The following RBFOX1 variants were observed in gnomAD, a reference collection of about 807,000 sequenced individuals.
The protein encoded by RBFOX1 is RNA binding fox-1 homolog 1, also known as RNA binding protein fox-1 homolog 1.
Under a neutral mutation model 57.7 loss-of-function variants are expected in RBFOX1, and 8 were observed. The ratio of observed to expected loss-of-function variants is 0.14; its 90% CI spans 0.08 to 0.25. The LOEUF (loss-of-function observed/expected upper bound fraction) is 0.25. Ranked by LOEUF, RBFOX1 falls within the 10% of genes least tolerant of loss-of-function variation. The pLI is 1.00. For synonymous variants in RBFOX1, 326 were observed against 222.4 expected, an observed-to-expected ratio of 1.47 and a Z score of -4.15; for missense variants, 611 against 548.5, an observed-to-expected ratio of 1.11 and a Z score of -1.14.
At chr16:7,285,667 C>T (rs1219127850) in intron 4 of RBFOX1, among the ~76,000 whole-genome samples, 1 of 152,000 alleles carries the variant, frequency 6.6e-6, no homozygotes, top group Non-Finnish European at 1.5e-5. Context: ...TTTTGATCAA[C>T]GTAATTCCCT....
Position 7,477,393 on chromosome 16 carries a change from G to T in RBFOX1, c.28-40754G>T, listed in dbSNP as rs1213112925. ...CTCCAGTTTGGGTCTATGAAAAGAGGGTTTACCCGTGGGGGGTCGGGGGGT... is the reference window on the plus strand; with the variant it reads ...CTCCAGTTTGGGTCTATGAAAAGAGTGTTTACCCGTGGGGGGTCGGGGGGT... On this transcript the variant is annotated intron_variant, in intron 4 of 15. Transcript: ENST00000550418. Among the ~76,000 whole-genome samples, 6 of 152,198 alleles carry T rather than the reference G, an allele frequency of 3.9e-5. No homozygotes were observed. In the Middle Eastern group the frequency reaches 0.017, roughly 431 times the overall value.
chr16:5,686,763 A>AT (rs570990534), intron 3 of RBFOX1, among the ~76,000 whole-genome samples: 16 of 152,200 alleles, frequency 1.1e-4, no homozygotes, highest in South Asian at 4.2e-4. Flanking sequence ...AAATGAAAGT[A>AT]TTTTTTCCAG....
At chr16:6,073,887 G>T (rs2095864854) in intron 1 of RBFOX1, among the ~76,000 whole-genome samples, 1 of 152,128 alleles carries the variant, frequency 6.6e-6, no homozygotes, top group South Asian at 2.1e-4. Flanking sequence ...GCCTGGAGGT[G>T]TTACACTATG....
intron 2 of RBFOX1, among the ~76,000 whole-genome samples, chr16:6,615,707 C>G (rs761140165): frequency 1.3e-5 from 2 of 152,148 alleles, no homozygotes; most frequent in African/African-American, 4.8e-5. Flanking sequence ...AACATCAATG[C>G]AAACACTTGT....
intron 2 of RBFOX1, among the ~76,000 whole-genome samples, chr16:5,576,460 A>G (rs559949956): frequency 6.6e-6 from 1 of 152,224 alleles, no homozygotes; most frequent in African/African-American, 2.4e-5. Flanking sequence ...CACCAACCTA[A>G]GAGTGGAAGT....
At chr16:7,640,799 G>C (rs549658821) in intron 11 of RBFOX1, among the ~76,000 whole-genome samples, 1 of 151,818 alleles carries the variant, frequency 6.6e-6, no homozygotes, top group Non-Finnish European at 1.5e-5. Flanking sequence ...CCTCATCAGA[G>C]TCAAGAGAAA....
chr16:7,344,840 C>A (rs2096964367), intron 4 of RBFOX1, among the ~76,000 whole-genome samples: 1 of 152,228 alleles, frequency 6.6e-6, no homozygotes. Flanking sequence ...GTCGTCTCCC[C>A]ATCCTCCATG....
chr16:6,433,686 G>C (rs371904656), intron 2 of RBFOX1, among the ~76,000 whole-genome samples: 5 of 152,132 alleles, frequency 3.3e-5, no homozygotes, highest in East Asian at 3.9e-4. Flanking sequence ...TCTTCCGGAG[G>C]CTCCAGGGAA....
intron 4 of RBFOX1, among the ~76,000 whole-genome samples, chr16:7,292,117 A>G (rs1255297211): frequency 1.3e-5 from 1 of 76,688 alleles, no homozygotes; most frequent in African/African-American, 4.9e-5. Context: ...ATTATGTATA[A>G]TATATAATAT....
intron 4 of RBFOX1, among the ~76,000 whole-genome samples, chr16:5,911,672 T>C (rs1459069746): frequency 6.6e-6 from 1 of 152,188 alleles, no homozygotes; most frequent in Non-Finnish European, 1.5e-5. Flanking sequence ...AGCAGAGATT[T>C]ATTTTTCACA....
intron 3 of RBFOX1, among the ~76,000 whole-genome samples, chr16:7,035,434 A>G (rs571275360): frequency 1.3e-5 from 2 of 152,324 alleles, no homozygotes; most frequent in East Asian, 1.9e-4. Context: ...ACTGCACACA[A>G]AAAGAATATT....
intron 3 of RBFOX1, among the ~76,000 whole-genome samples, chr16:6,959,090 C>G (rs959349534): frequency 6.6e-6 from 1 of 152,094 alleles, no homozygotes; most frequent in African/African-American, 2.4e-5. Context: ...TAAAGATAGG[C>G]ATTTTCTTTT....
At chr16:6,406,002 G>A (rs543498454) in intron 2 of RBFOX1, among the ~76,000 whole-genome samples, 31 of 152,284 alleles carry the variant, frequency 2.0e-4, no homozygotes, top group Middle Eastern at 3.4e-3. Context: ...AGGTGAGAAC[G>A]CAGAGGAATT....
intron 1 of RBFOX1, among the ~76,000 whole-genome samples, chr16:5,436,671 C>T (rs1326970723): frequency 2.0e-5 from 3 of 152,090 alleles, no homozygotes; most frequent in South Asian, 2.1e-4. Context: ...AACCCCATCT[C>T]TACTCAAAAT....
chr16:5,933,512 G>A (rs1032646460), intron 4 of RBFOX1, among the ~76,000 whole-genome samples: 1 of 152,176 alleles, frequency 6.6e-6, no homozygotes, highest in Non-Finnish European at 1.5e-5. Context: ...TTCCTGATGT[G>A]AAAAACGGAT....
chr16:6,809,638 C>T (rs1202286591), intron 3 of RBFOX1, among the ~76,000 whole-genome samples: 2 of 152,234 alleles, frequency 1.3e-5, no homozygotes, highest in East Asian at 3.9e-4. Context: ...CATAGGAACA[C>T]AGCATAGAAC....
At chr16:6,678,838 G>A (rs543209995) in intron 3 of RBFOX1, among the ~76,000 whole-genome samples, 40 of 152,234 alleles carry the variant, frequency 2.6e-4, no homozygotes, top group African/African-American at 8.9e-4. Context: ...CCAGGAGGCT[G>A]AGTGAGGCTG....
At chr16:7,392,769 C>A (rs984910365) in intron 4 of RBFOX1, among the ~76,000 whole-genome samples, 2 of 152,148 alleles carry the variant, frequency 1.3e-5, no homozygotes, top group Non-Finnish European at 2.9e-5. Flanking sequence ...TAAGGGTTTG[C>A]ATAATTACTG....
At chr16:5,972,316 A>G (rs1230543856) in intron 4 of RBFOX1, among the ~76,000 whole-genome samples, 1 of 152,224 alleles carries the variant, frequency 6.6e-6, no homozygotes, top group African/African-American at 2.4e-5. Context: ...TAGGCTACAC[A>G]TGGAAAAAGA....
Sources: gnomAD v4.1 joint callset for allele counts (sites outside exome capture counted in the v4.1 genomes callset) on GRCh38, gnomAD v4.1.1 for gene constraint, MANE v1.5 for transcripts, NCBI Gene and HGNC (gene_info 2026-07-23, HGNC 2026-07-21) for gene names.